The following MCM3 variants were observed in gnomAD, a reference collection of about 807,000 sequenced individuals.
MCM3 encodes the protein minichromosome maintenance complex component 3.
In MCM3, 59 loss-of-function variants were observed where a neutral mutation model predicts 91.3. The observed-to-expected ratio is 0.65, with a 90% CI of 0.52 to 0.80. MCM3 has a LOEUF of 0.80. Among genes scored for constraint, MCM3 ranks in the 30% least tolerant of loss-of-function variants. MCM3 has a pLI of 0.00. For synonymous variants in MCM3, 383 were observed against 379.6 expected, an observed-to-expected ratio of 1.01 and a Z score of -0.10; for missense variants, 919 against 1,035.4, an observed-to-expected ratio of 0.89 and a Z score of 1.54.
At chr6:52,280,563 T>C (rs1423479272) in intron 4 of MCM3, among the ~76,000 whole-genome samples, 2 of 152,206 alleles carry the variant, frequency 1.3e-5, no homozygotes, top group Non-Finnish European at 2.9e-5. Context: ...TTGATACAGG[T>C]GTTAACTCCA....
In MCM3 at chr6:52,264,612, A is replaced by C; in HGVS notation, c.2403T>G (p.Ser801=). 1 of 1,614,236 alleles carries C rather than the reference A, an allele frequency of 6.2e-7. No individual in the cohort carries two copies. Among genetic ancestry groups the C allele is most frequent in the South Asian group, 1.1e-5 (1 of 91,080 alleles). Residue 801 remains serine (S), a synonymous_variant, in exon 17 of 17, where the codon TCT becomes TCG. Transcript: ENST00000596288. Reference sequence around the variant, plus strand: ...CTCAGATGAGGAAGATGATGCCCTCAGACACCATGACCTGATTGTCATCCT... The same window carrying C: ...CTCAGATGAGGAAGATGATGCCCTCCGACACCATGACCTGATTGTCATCCT... The part of the protein sequence containing the change: ...KMQDDNQVMV[S]EGIIFLI
At chr6:52,281,982 G>A in intron 4 of MCM3, 63 bp downstream of exon 4, 1 of 1,543,030 alleles carries the variant, frequency 6.5e-7, no homozygotes, top group Non-Finnish European at 8.8e-7. Context: ...ACAATTCCTT[G>A]CCTTAAAACA....
intron 6 of MCM3, among the ~76,000 whole-genome samples, 181 bp downstream of exon 6, chr6:52,278,561 A>G (rs879006584): frequency 2.0e-5 from 3 of 152,230 alleles, no homozygotes; most frequent in Admixed American, 2.0e-4. Context: ...GTTTAATAAC[A>G]ACAGAATTAC....
intron 12 of MCM3, 51 bp downstream of exon 12, chr6:52,272,249 GC>G: frequency 6.4e-7 from 1 of 1,556,080 alleles, no homozygotes; most frequent in Non-Finnish European, 8.7e-7. Flanking sequence ...AGGGACTCCT[GC>G]CCAGCCATAT....
intron 8 of MCM3, 139 bp from the exon 9 acceptor site, chr6:52,276,615 A>G (rs1270199796): frequency 1.6e-5 from 11 of 706,800 alleles, no homozygotes; most frequent in Non-Finnish European, 2.1e-5. Context: ...CGAGAAACTT[A>G]GAGGAAACCC....
In MCM3 at chr6:52,272,360, T is replaced by A. The variant is rs17240063; in HGVS notation, c.1768A>T (p.Ile590Phe). The A allele has an allele frequency of 1.2e-6, 2 of 1,614,224 alleles. No homozygotes were observed. The highest frequency in any genetic ancestry group is 8.5e-7 in the Non-Finnish European group (1 of 1,180,046). The part of the protein sequence containing the change: ...PVLTQESATY[I>F]AEEYSRLRSQ... ...CGCAGGCGTGAATACTCTTCTGCAA[T>A]GTAGGTGGCCGACTCCTGTGTCAGG... The change falls in exon 12 of 17, where the codon ATT becomes TTT. Residue 590 changes from isoleucine to phenylalanine, a missense_variant. Physicochemically the swap from Ile to Phe is conservative, Grantham distance 21. Transcript: ENST00000596288.
rs983750870 is a variant in MCM3 at position 52,276,133 on chromosome 6, A to G, written c.1374+135T>C. On this transcript the variant is annotated intron_variant, in intron 9 of 16. Coordinates refer to ENST00000596288, the MANE Select transcript of MCM3 (RefSeq NM_002388.6). ...GGAACACTGCTCTAAACAAAGGACAATAACAAGAAAATGGCCTTACTTTTA... is the reference window on the plus strand; with the variant it reads ...GGAACACTGCTCTAAACAAAGGACAGTAACAAGAAAATGGCCTTACTTTTA... 11 of 756,692 alleles carry G rather than the reference A, an allele frequency of 1.5e-5. No homozygotes were observed. In the Middle Eastern group the frequency reaches 1.2e-3, roughly 80 times the overall value. The allele number at this position is 756,692 out of a possible 1,614,324, so 46.9% of individuals were successfully genotyped here. A position where few individuals can be genotyped will look rare whatever the true frequency, so the allele number is the denominator to read the frequency against.
intron 9 of MCM3, among the ~76,000 whole-genome samples, chr6:52,275,267 T>C (rs1242246221): frequency 1.3e-5 from 2 of 152,204 alleles, no homozygotes; most frequent in Admixed American, 1.3e-4. Context: ...GTGGGATTGA[T>C]TATAAACTGC....
chr6:52,267,778 G>C (rs567187809), intron 14 of MCM3, 87 bp downstream of exon 14: 3 of 713,336 alleles, frequency 4.2e-6, no homozygotes, highest in African/African-American at 3.5e-5. Flanking sequence ...CACCCGCCTC[G>C]GCCTCCCAAA....
chr6:52,284,513 G>A (rs1766466897), intron 1 of MCM3, 84 bp downstream of exon 1: 7 of 1,295,042 alleles, frequency 5.4e-6, no homozygotes, highest in Non-Finnish European at 5.4e-6. Context: ...CGGTCTGGAG[G>A]TCTGGCGGGC....
intron 9 of MCM3, among the ~76,000 whole-genome samples, chr6:52,275,340 T>C (rs984488365): frequency 1.2e-4 from 19 of 152,216 alleles, no homozygotes; most frequent in Admixed American, 6.5e-4. Context: ...TTGTGGCTCT[T>C]GAGCAAGTTA....
chr6:52,266,738 G>A, intron 14 of MCM3, 42 bp from the exon 15 acceptor site: 1 of 1,515,480 alleles, frequency 6.6e-7, no homozygotes, highest in Non-Finnish European at 9.2e-7. Context: ...AGAGTTTGGA[G>A]ACAGAAAGGC....
intron 11 of MCM3, among the ~76,000 whole-genome samples, 175 bp downstream of exon 11, chr6:52,273,055 C>T (rs191797979): frequency 2.6e-5 from 4 of 152,238 alleles, no homozygotes; most frequent in Admixed American, 2.0e-4. Flanking sequence ...GGCAACTGGC[C>T]AGGATAAAGG....
At chr6:52,274,168 G>A (rs1310520950) in intron 9 of MCM3, among the ~76,000 whole-genome samples, 3 of 152,150 alleles carry the variant, frequency 2.0e-5, no homozygotes, top group Non-Finnish European at 4.4e-5. Context: ...CAGGCTGAGT[G>A]TAGGTCTGAA....
intron 8 of MCM3, 63 bp downstream of exon 8, chr6:52,276,990 AACACAAGCCAGGGC>A: frequency 6.5e-7 from 1 of 1,533,370 alleles, no homozygotes. Context: ...GTATCTTCAG[AACACAAGCCAGGGC>A]ACACAAAGGA....
chr6:52,275,785 A>G (rs1029507994), intron 9 of MCM3, among the ~76,000 whole-genome samples: 4 of 152,250 alleles, frequency 2.6e-5, no homozygotes, highest in East Asian at 3.8e-4. Flanking sequence ...ATAAAAGATT[A>G]TATCTAGCAC....
Position 52,264,660 on chromosome 6 carries a change from G to A in MCM3, c.2355C>T (p.Ile785=), listed in dbSNP as rs757683817. The change falls in exon 17 of 17, where the codon ATC becomes ATT. Residue 785 remains isoleucine, a synonymous_variant. Coordinates refer to ENST00000596288, the MANE Select transcript of MCM3 (RefSeq NM_002388.6). ...CCTGCATCTTGCTCAGAGCAGCCTG[G>A]ATCTCAACTGAAGAGAAGGGCTCTT... is the stretch of plus-strand genomic sequence containing the variant. The part of the protein sequence containing the change: ...DSEEPFSSVE[I]QAALSKMQDD... 4.3e-6 allele frequency: 7 copies of A among 1,614,188 alleles called. No homozygotes were observed. In the Admixed American group the frequency reaches 1.2e-4, roughly 27 times the overall value.
chr6:52,266,589 A>T, intron 15 of MCM3, 22 bp downstream of exon 15: 1 of 1,604,560 alleles, frequency 6.2e-7, no homozygotes, highest in Non-Finnish European at 8.5e-7. Flanking sequence ...AACCTCTTTC[A>T]TCAGTAAGTG....
intron 1 of MCM3, 118 bp downstream of exon 1, chr6:52,284,479 C>T: frequency 1.1e-6 from 1 of 877,742 alleles, no homozygotes; most frequent in Non-Finnish European, 1.7e-6. Context: ...GAGGCTCGGG[C>T]CCGGCAGGCT....
Sources: allele counts gnomAD v4.1 joint callset (sites outside exome capture counted in the v4.1 genomes callset), GRCh38; gene constraint gnomAD v4.1.1; transcripts MANE v1.5; gene names NCBI Gene and HGNC (gene_info 2026-07-23, HGNC 2026-07-21).